ATAD3C: variants seen among roughly 807,000 people sequenced by gnomAD.
ATAD3C encodes ATPase family AAA domain-containing protein 3C.
Under a neutral mutation model 46.3 loss-of-function variants are expected in ATAD3C, and 38 were observed. The ratio of observed to expected loss-of-function variants is 0.82; its 90% CI spans 0.63 to 1.08. The LOEUF is 1.08. Among genes scored for constraint, ATAD3C ranks in the 50% least tolerant of loss-of-function variants. ATAD3C has a pLI of 0.00. For synonymous variants in ATAD3C, 220 were observed against 236.4 expected, an observed-to-expected ratio of 0.93 and a Z score of 0.63; for missense variants, 563 against 572.7, an observed-to-expected ratio of 0.98 and a Z score of 0.17.
chr1:1,450,573 G>A lies in ATAD3C; in HGVS notation c.-111G>A. 7.2e-7 allele frequency: 1 copy of A among 1,386,402 alleles called. No individual in the cohort carries two copies. Among genetic ancestry groups the A allele is most frequent in the Non-Finnish European group, 1.0e-6 (1 of 1,004,242 alleles). 85.9% of individuals were successfully genotyped at this position (1,386,402 alleles called of 1,614,324 possible). A position where few individuals can be genotyped will look rare whatever the true frequency, so the allele number is the denominator to read the frequency against. On this transcript the variant is annotated 5_prime_UTR_variant, in exon 1 of 12. Coordinates refer to ENST00000378785, the MANE Select transcript of ATAD3C (RefSeq NM_001039211.3). Reference sequence around the variant, plus strand: ...GGGGAGGCAGGGCTGGGGGCTTTGAGGTCGAGGCGTGGCCGTGGATTCCAG... The same window carrying A: ...GGGGAGGCAGGGCTGGGGGCTTTGAAGTCGAGGCGTGGCCGTGGATTCCAG...
rs1266427275 is a variant in ATAD3C, at chr1:1,468,348, A to T, written c.1090-36A>T. On this transcript the variant is annotated intron_variant, in intron 11 of 11. Coordinates refer to ENST00000378785, the MANE Select transcript of ATAD3C (RefSeq NM_001039211.3). ...CGTGCATTTGGGGTGGGGGGTTCCCATGGCGGCCTCCCTCAGCTCCCTCTC... is the reference window on the plus strand; with the variant it reads ...CGTGCATTTGGGGTGGGGGGTTCCCTTGGCGGCCTCCCTCAGCTCCCTCTC... 4 of 1,576,546 alleles carry T rather than the reference A, an allele frequency of 2.5e-6. No individual in the cohort carries two copies. In the South Asian group the frequency reaches 4.6e-5, roughly 18 times the overall value.
Position 1,452,204 on chromosome 1 carries a change from C to G in ATAD3C, c.152+82C>G. ...GCTGGTCCCAGGGTGCTCTCCAGCT[C>G]TCCCAGGTCTGGCCGCTGTAGGCTG... On this transcript the variant is annotated intron_variant, in intron 2 of 11. Coordinates refer to ENST00000378785, the MANE Select transcript of ATAD3C (RefSeq NM_001039211.3). The G allele has an allele frequency of 4.4e-6, 7 of 1,586,568 alleles. No individual in the cohort carries two copies. In the South Asian group the frequency reaches 6.7e-5, roughly 15 times the overall value.
chr1:1,461,896 T>C (rs1027310315), intron 10 of ATAD3C, among the ~76,000 whole-genome samples: 2 of 152,086 alleles, frequency 1.3e-5, no homozygotes, highest in Non-Finnish European at 2.9e-5. Flanking sequence ...GCCTTGAGGC[T>C]GTCAGGCTCC....
intron 9 of ATAD3C, among the ~76,000 whole-genome samples, 167 bp from the exon 10 acceptor site, chr1:1,460,583 C>T (rs1050701726): frequency 3.3e-5 from 5 of 151,978 alleles, no homozygotes; most frequent in Admixed American, 1.3e-4. Flanking sequence ...GGCAGGCAGG[C>T]GGGTGACCAT....
At chr1:1,457,564 C>A (rs1638985402) in intron 8 of ATAD3C, among the ~76,000 whole-genome samples, 1 of 138,362 alleles carries the variant, frequency 7.2e-6, no homozygotes, top group African/African-American at 2.9e-5. Flanking sequence ...CTGCTGCACT[C>A]CAGCCTGGGC....
chr1:1,468,900 A>G lies in ATAD3C; in HGVS notation c.*370A>G. ...TGTGGCCAGACACACGGTGGAGGGA[A>G]GTGCACGCGAAACAGACACAGCGGC... On this transcript the variant is annotated 3_prime_UTR_variant, in exon 12 of 12. Transcript: ENST00000378785. 3.7e-6 allele frequency: 1 copy of G among 268,132 alleles called. No individual in the cohort carries two copies. Among genetic ancestry groups the G allele is most frequent in the Admixed American group, 5.2e-5 (1 of 19,082 alleles). The allele number at this position is 268,132 out of a possible 1,614,324, so 16.6% of individuals were successfully genotyped here.
rs112072883 is a variant in ATAD3C, at chr1:1,452,052, G to C, written c.82G>C (p.Val28Leu). 2,870 of 1,613,560 alleles carry C rather than the reference G, an allele frequency of 1.8e-3. 52 individuals are homozygous for C. In the African/African-American group the frequency reaches 0.033, roughly 19 times the overall value. Residue 28 changes from valine to leucine, a missense_variant, in exon 2 of 12, where the codon GTC becomes CTC. Val to Leu is a conservative substitution (Grantham distance 32). This residue lies in a region of ATAD3C where 263 missense variants were observed against 243.1 expected (regional missense o/e 1.08). Transcript: ENST00000378785. The part of the protein sequence containing the change: ...LEQQSKLKQL[V>L]NEDLRKQEES... ...TTCTGCGGCTTCTTCTCAGCAACTT[G>C]TCAATGAGGATTTACGGAAGCAGGA... is the stretch of plus-strand genomic sequence containing the variant.
chr1:1,462,452 G>C lies in ATAD3C; in HGVS notation c.981-148G>C. ...GCCCAGGCCTGGCTTGCGTCAGGAA[G>C]GGGGCGGAACTTGGCTGTCACAGGT... On this transcript the variant is annotated intron_variant, in intron 10 of 11. Coordinates refer to ENST00000378785, the MANE Select transcript of ATAD3C (RefSeq NM_001039211.3). This position sits in a 1 kb window ranked among gnomAD's most constrained non-coding sequence, Gnocchi z 4.5. 1.2e-6 allele frequency: 1 copy of C among 845,344 alleles called. No homozygotes were observed. Among genetic ancestry groups the C allele is most frequent in the Non-Finnish European group, 1.9e-6 (1 of 533,156 alleles). The allele number at this position is 845,344 out of a possible 1,614,324, so 52.4% of individuals were successfully genotyped here.
chr1:1,453,361 C>T (rs2100473768), intron 3 of ATAD3C, among the ~76,000 whole-genome samples: 1 of 152,036 alleles, frequency 6.6e-6, no homozygotes. Context: ...GGTCACCATG[C>T]CTGGCTAATT....
In ATAD3C at chr1:1,453,731, G is replaced by C. The variant is rs573696480; in HGVS notation, c.223-614G>C. ...CTGGGCTCACTGCAACCTCCGACTC[G>C]CGGGTTCAAGTGATTCTCCTGCCTC... On this transcript the variant is annotated intron_variant, in intron 3 of 11. Coordinates refer to ENST00000378785, the MANE Select transcript of ATAD3C (RefSeq NM_001039211.3). 3.3e-5 allele frequency among the ~76,000 whole-genome samples: 5 copies of C among 150,770 alleles called. No individual in the cohort carries two copies. In the East Asian group the frequency reaches 9.8e-4, roughly 30 times the overall value.
In ATAD3C at chr1:1,454,480, G is replaced by T. The variant is rs1638917931; in HGVS notation, c.358G>T (p.Ala120Ser). ...RETSRITVLE[A>S]LRHPIQQVSR... ...GACGTCCCGCATCACGGTGCTTGAG[G>T]CGCTGCGGCACCCCATCCAGGTAGC... The change falls in exon 4 of 12, where the codon GCG (alanine) becomes TCG (serine). Residue 120 changes from alanine to serine, a missense_variant. Ala to Ser is a moderately conservative substitution (Grantham distance 99). This residue lies in a region of ATAD3C where 263 missense variants were observed against 243.1 expected (regional missense o/e 1.08). Coordinates refer to ENST00000378785, the MANE Select transcript of ATAD3C (RefSeq NM_001039211.3). 1.9e-6 allele frequency: 3 copies of T among 1,609,222 alleles called. No homozygotes were observed. The East Asian group carries it at 6.7e-5, about 36-fold the overall frequency.
chr1:1,457,360 C>G (rs956942770), intron 8 of ATAD3C, among the ~76,000 whole-genome samples, 180 bp downstream of exon 8: 1 of 151,462 alleles, frequency 6.6e-6, no homozygotes. Context: ...TTTGGGAGGC[C>G]GAGGCAAGTG....
At chr1:1,461,743 T>A (rs1323582505) in intron 10 of ATAD3C, among the ~76,000 whole-genome samples, 1 of 150,484 alleles carries the variant, frequency 6.6e-6, no homozygotes, top group Non-Finnish European at 1.5e-5. Context: ...GAGAGGCTCC[T>A]CATGAGACCC....
At chr1:1,465,984 G>T (rs1479525917) in intron 11 of ATAD3C, among the ~76,000 whole-genome samples, 5 of 151,878 alleles carry the variant, frequency 3.3e-5, no homozygotes, top group Non-Finnish European at 5.9e-5. Context: ...TCTTGGTTTG[G>T]TGAGTGTTTT....
At chr1:1,461,444 T>TC (rs1639062991) in intron 10 of ATAD3C, among the ~76,000 whole-genome samples, 1 of 152,022 alleles carries the variant, frequency 6.6e-6, no homozygotes, top group African/African-American at 2.4e-5. Flanking sequence ...CGCTTCAGCC[T>TC]CCCAAAGTGC....
chr1:1,459,306 C>T lies in ATAD3C; in HGVS notation c.812+75C>T, dbSNP rs1352241352. 12 of 1,605,124 alleles carry T rather than the reference C, an allele frequency of 7.5e-6. No homozygotes were observed. Among genetic ancestry groups the T allele is most frequent in the African/African-American group, 1.3e-5 (1 of 74,696 alleles). On this transcript the variant is annotated intron_variant, in intron 9 of 11. Transcript: ENST00000378785. This position sits in a 1 kb window ranked among gnomAD's most constrained non-coding sequence, Gnocchi z 4.9. Reference sequence around the variant, plus strand: ...TCACCCTTGGTTCCCACCGAGGGACCTGAGGGGCCCTGGCTCACAGTGCTG... The same window carrying T: ...TCACCCTTGGTTCCCACCGAGGGACTTGAGGGGCCCTGGCTCACAGTGCTG...
At chr1:1,457,315 C>G in intron 8 of ATAD3C, 135 bp downstream of exon 8, 2 of 1,461,014 alleles carry the variant, frequency 1.4e-6, no homozygotes, top group South Asian at 1.2e-5. Context: ...GCATTTTTGG[C>G]CAGGTGTGGA....
Position 1,469,265 on chromosome 1 carries a change from A to C in ATAD3C, c.*735A>C, listed in dbSNP as rs545093669. ...CATGGAATTGCACTGCAGCATGGGC[A>C]ACAAGAGTCAAACTCCCTCTAAAAA... On this transcript the variant is annotated 3_prime_UTR_variant, in exon 12 of 12. Coordinates refer to ENST00000378785, the MANE Select transcript of ATAD3C (RefSeq NM_001039211.3). 1.9e-4 allele frequency: 28 copies of C among 149,154 alleles called. No homozygotes were observed. In the East Asian group the frequency reaches 5.5e-3, roughly 29 times the overall value. The allele number at this position is 149,154 out of a possible 1,614,324, so 9.2% of individuals were successfully genotyped here. A position where few individuals can be genotyped will look rare whatever the true frequency, so the allele number is the denominator to read the frequency against.
At position 1,452,146 on chromosome 1, in the gene ATAD3C, C is replaced by T. The variant is rs376028681; in HGVS notation, c.152+24C>T. On this transcript the variant is annotated intron_variant, in intron 2 of 11. Transcript: ENST00000378785. ...AGGTGAGCGCTGCCGAGGCCCGGGC[C>T]GGCCGCAGATGGAGCCCCCACAGGT... is the stretch of plus-strand genomic sequence containing the variant. 47 of 1,611,536 alleles carry T rather than the reference C, an allele frequency of 2.9e-5. 2 individuals carry two copies. The highest frequency in any genetic ancestry group is 1.2e-4 in the African/African-American group (9 of 74,906).
Sources: allele counts gnomAD v4.1 joint callset (sites outside exome capture counted in the v4.1 genomes callset), GRCh38; gene constraint gnomAD v4.1.1; regional missense constraint gnomAD v4.1.1; non-coding constraint Gnocchi (gnomAD v3.1); transcripts MANE v1.5; gene names NCBI Gene and HGNC (gene_info 2026-07-23, HGNC 2026-07-21).